The following TGFA variants were observed in gnomAD, a reference collection of about 807,000 sequenced individuals.
TGFA encodes protransforming growth factor alpha.
A neutral mutation model predicts 21.7 loss-of-function variants in TGFA; 12 were observed. The ratio of observed to expected loss-of-function variants is 0.55; its 90% CI spans 0.35 to 0.90. The LOEUF is 0.90. TGFA is among the 40% of genes least tolerant of loss of function. The pLI is 0.01. For synonymous variants in TGFA, 79 were observed against 88.1 expected, an observed-to-expected ratio of 0.90 and a Z score of 0.58; for missense variants, 178 against 210.8, an observed-to-expected ratio of 0.84 and a Z score of 0.96.
At chr2:70,487,812 T>C (rs1418393321) in intron 2 of TGFA, among the ~76,000 whole-genome samples, 1 of 152,370 alleles carries the variant, frequency 6.6e-6, no homozygotes, top group East Asian at 1.9e-4. Context: ...CATAGATCTT[T>C]GTTCACGCAC....
intron 1 of TGFA, 89 bp from the exon 2 acceptor site, chr2:70,515,001 CA>C: frequency 7.8e-7 from 1 of 1,277,304 alleles, no homozygotes; most frequent in East Asian, 2.4e-5. Context: ...CTTTGACAGG[CA>C]AAGGTTCGGT....
At chr2:70,498,333 G>C (rs1015820541) in intron 2 of TGFA, among the ~76,000 whole-genome samples, 9 of 152,234 alleles carry the variant, frequency 5.9e-5, no homozygotes, top group Admixed American at 2.0e-4. Flanking sequence ...GGCTCCCCCA[G>C]GGCCCTGCCT....
intron 1 of TGFA, 175 bp downstream of exon 1, chr2:70,553,553 C>A: frequency 7.4e-7 from 1 of 1,352,276 alleles, no homozygotes. Flanking sequence ...GGACAGTCCC[C>A]TCTTTGTCAT....
At chr2:70,533,693 C>T (rs930363890) in intron 1 of TGFA, among the ~76,000 whole-genome samples, 3 of 152,114 alleles carry the variant, frequency 2.0e-5, no homozygotes, top group African/African-American at 7.2e-5. Context: ...TGTGTTAACA[C>T]AGTTAACAAG....
chr2:70,455,360 A>T (rs1402617836), intron 4 of TGFA, among the ~76,000 whole-genome samples: 1 of 152,176 alleles, frequency 6.6e-6, no homozygotes, highest in Admixed American at 6.5e-5. Flanking sequence ...TTATCTGTCC[A>T]AATCTTAGGC....
At chr2:70,506,875 G>A (rs1671942284) in intron 2 of TGFA, among the ~76,000 whole-genome samples, 2 of 152,318 alleles carry the variant, frequency 1.3e-5, no homozygotes, top group Admixed American at 1.3e-4. Context: ...AGACCTGGAT[G>A]CCCAGAAAGA....
chr2:70,472,792 C>T (rs1157014212), intron 2 of TGFA, among the ~76,000 whole-genome samples: 1 of 152,224 alleles, frequency 6.6e-6, no homozygotes, highest in Admixed American at 6.5e-5. Context: ...GTTGTGAACA[C>T]GTTTGCCCAT....
chr2:70,480,402 A>G (rs528385910), intron 2 of TGFA, among the ~76,000 whole-genome samples: 1 of 152,328 alleles, frequency 6.6e-6, no homozygotes, highest in Admixed American at 6.5e-5. Context: ...GAGGGCTGCC[A>G]CCTGCACGCT....
rs377244769 is a variant in TGFA, at chr2:70,488,737, A to C, written c.95-23001T>G. 2.4e-4 allele frequency among the ~76,000 whole-genome samples: 36 copies of C among 152,332 alleles called. No individual in the cohort carries two copies. The East Asian group carries it at 4.4e-3, about 19-fold the overall frequency. ...ATATCCAAACCGTTAGAGGACTGACATTATAATTATACATCAAGTTAGAGA... is the reference window on the plus strand; with the variant it reads ...ATATCCAAACCGTTAGAGGACTGACCTTATAATTATACATCAAGTTAGAGA... On this transcript the variant is annotated intron_variant, in intron 2 of 5. Transcript: ENST00000295400.
intron 2 of TGFA, among the ~76,000 whole-genome samples, chr2:70,473,463 G>A (rs2103727493): frequency 6.6e-6 from 1 of 151,682 alleles, no homozygotes; most frequent in Admixed American, 6.6e-5. Flanking sequence ...GTGTGGCAAT[G>A]CTACTGACCT....
At position 70,448,241 on chromosome 2, in the gene TGFA, A is replaced by G. The variant is rs1669945764; in HGVS notation, c.*2618T>C. On this transcript the variant is annotated 3_prime_UTR_variant, in exon 6 of 6. Coordinates refer to ENST00000295400, the MANE Select transcript of TGFA (RefSeq NM_003236.4). The stretch of plus-strand genomic sequence containing the variant: ...GAAAACATTTCCTGTCAGGATGCTT[A>G]AAAAAAGTCACAGCCTGTAGAGCAG... 6.6e-6 allele frequency: 1 copy of G among 152,186 alleles called. No individual in the cohort carries two copies. Among genetic ancestry groups the G allele is most frequent in the South Asian group, 2.1e-4 (1 of 4,830 alleles). The allele number at this position is 152,186 out of a possible 1,614,324, so 9.4% of individuals were successfully genotyped here.
chr2:70,461,926 C>A (rs1456613929), intron 3 of TGFA, among the ~76,000 whole-genome samples: 1 of 151,884 alleles, frequency 6.6e-6, no homozygotes, highest in Non-Finnish European at 1.5e-5. Flanking sequence ...ACTTTTTTTT[C>A]TTTCCTTCAT....
intron 3 of TGFA, among the ~76,000 whole-genome samples, chr2:70,462,401 C>CA (rs1323222240): frequency 6.6e-6 from 1 of 152,186 alleles, no homozygotes; most frequent in Non-Finnish European, 1.5e-5. Context: ...CAAGGGGTCC[C>CA]ACGGATGGCA....
chr2:70,521,609 GTTTGTTTGTTTT>G lies in TGFA; in HGVS notation c.41-6709_41-6698del, dbSNP rs1306686551. Among the ~76,000 whole-genome samples, 30 of 78,876 alleles carry G rather than the reference GTTTGTTTGTTTT, an allele frequency of 3.8e-4. 1 individual carries two copies. Among genetic ancestry groups the G allele is most frequent in the African/African-American group, 9.4e-4 (19 of 20,174 alleles). The allele number at this position is 78,876 out of a possible 152,430, so 51.7% of individuals were successfully genotyped here. On this transcript the variant is annotated intron_variant, in intron 1 of 5. Coordinates refer to ENST00000295400, the MANE Select transcript of TGFA (RefSeq NM_003236.4). ...ACTATTGATAGTTTTTTTTGTTGTTGTTTGTTTGTTTTTTTTTTTTTTTTTTTTTGAGTCTCG... is the reference window on the plus strand; with the variant it reads ...ACTATTGATAGTTTTTTTTGTTGTTGTTTTTTTTTTTTTTTTTGAGTCTCG...
At chr2:70,514,464 A>G (rs1233994183) in intron 2 of TGFA, among the ~76,000 whole-genome samples, 1 of 151,516 alleles carries the variant, frequency 6.6e-6, no homozygotes, top group East Asian at 1.9e-4. Context: ...AACGTAAACC[A>G]GAAAATAACT....
chr2:70,517,060 T>C (rs1351002994), intron 1 of TGFA, among the ~76,000 whole-genome samples: 1 of 152,200 alleles, frequency 6.6e-6, no homozygotes, highest in Non-Finnish European at 1.5e-5. Context: ...TCCAGGAAGA[T>C]GAGGGTGTGC....
At chr2:70,518,925 C>G (rs1354350914) in intron 1 of TGFA, among the ~76,000 whole-genome samples, 1 of 152,178 alleles carries the variant, frequency 6.6e-6, no homozygotes, top group Non-Finnish European at 1.5e-5. Context: ...CTACCTTTCA[C>G]CTGTTTGGGA....
intron 1 of TGFA, among the ~76,000 whole-genome samples, chr2:70,549,887 T>C (rs1673433788): frequency 6.6e-6 from 1 of 152,180 alleles, no homozygotes; most frequent in South Asian, 2.1e-4. Context: ...AAAGCAAATA[T>C]GGAAAACTCA....
chr2:70,543,420 G>C (rs1553505433), intron 1 of TGFA, among the ~76,000 whole-genome samples: 1 of 151,906 alleles, frequency 6.6e-6, no homozygotes, highest in Non-Finnish European at 1.5e-5. Flanking sequence ...CAGCTACTTG[G>C]GAGGCTGAGG....
Sources: gnomAD v4.1 joint callset for allele counts (sites outside exome capture counted in the v4.1 genomes callset) on GRCh38, gnomAD v4.1.1 for gene constraint, MANE v1.5 for transcripts, NCBI Gene and HGNC (gene_info 2026-07-23, HGNC 2026-07-21) for gene names.